TIA1: variants seen among roughly 807,000 people sequenced by gnomAD.
TIA1 encodes cytotoxic granule associated RNA binding protein TIA1.
In TIA1, 23 loss-of-function variants were observed where a neutral mutation model predicts 65.9. The ratio of observed to expected loss-of-function variants is 0.35; its 90% CI spans 0.25 to 0.49. TIA1 has a LOEUF of 0.49. Ranked by LOEUF, TIA1 falls within the 20% of genes least tolerant of loss-of-function variation. TIA1 has a pLI of 0.98. For missense variants in TIA1, 371 were observed against 477.9 expected (o/e 0.78, Z 2.09); for synonymous variants, 147 against 149.4 (o/e 0.98, Z 0.12).
chr2:70,230,523 G>A (rs987513880), intron 3 of TIA1, among the ~76,000 whole-genome samples: 6 of 151,768 alleles, frequency 4.0e-5, no homozygotes, highest in East Asian at 1.9e-4. Context: ...GTGGTGGTGC[G>A]TTCCTGTAAT....
chr2:70,227,602 C>A (rs1684360874), intron 6 of TIA1, 133 bp downstream of exon 6: 1 of 540,332 alleles, frequency 1.9e-6, no homozygotes. Flanking sequence ...CTTGAATGAT[C>A]TCTAAACAAT....
intron 1 of TIA1, among the ~76,000 whole-genome samples, chr2:70,245,841 T>C (rs1694044033): frequency 6.6e-6 from 1 of 151,902 alleles, no homozygotes; most frequent in African/African-American, 2.4e-5. Flanking sequence ...GGTATGTGGG[T>C]GATAAAAATT....
chr2:70,243,496 C>A (rs1048520305), intron 1 of TIA1, among the ~76,000 whole-genome samples: 3 of 152,020 alleles, frequency 2.0e-5, no homozygotes, highest in African/African-American at 7.3e-5. Context: ...ACATCAGCAT[C>A]CTAACCTTAT....
At chr2:70,215,318 A>G in intron 11 of TIA1, 53 bp downstream of exon 11, 1 of 1,607,306 alleles carries the variant, frequency 6.2e-7, no homozygotes, top group Non-Finnish European at 8.5e-7. Context: ...TCTTCACCTT[A>G]AAATAACATT....
chr2:70,216,125 G>T, intron 10 of TIA1, 83 bp downstream of exon 10: 1 of 1,174,564 alleles, frequency 8.5e-7, no homozygotes, highest in Non-Finnish European at 1.2e-6. Flanking sequence ...TATTTTGGAG[G>T]AAAAAGTTTT....
At position 70,209,686 on chromosome 2, in the gene TIA1, C is replaced by T. The variant is rs1059408; in HGVS notation, c.*3033G>A. The T allele has an allele frequency of 0.083, 33,243 of 398,196 alleles. 1,570 individuals are homozygous for T. The highest frequency in any genetic ancestry group is 0.18 in the East Asian group (4,909 of 27,984). 24.7% of individuals were successfully genotyped at this position (398,196 alleles called of 1,614,324 possible). Reference sequence around the variant, plus strand: ...TATCCCTGCTCATGCTTAAGATTGACGATTTCGTGAAATAAAGAACATTAT... The same window carrying T: ...TATCCCTGCTCATGCTTAAGATTGATGATTTCGTGAAATAAAGAACATTAT... On this transcript the variant is annotated 3_prime_UTR_variant, in exon 13 of 13. Coordinates refer to ENST00000433529, the MANE Select transcript of TIA1 (RefSeq NM_022173.4).
chr2:70,224,397 A>C (rs745945675), intron 7 of TIA1, 157 bp downstream of exon 7: 1 of 1,045,320 alleles, frequency 9.6e-7, no homozygotes, highest in Non-Finnish European at 1.4e-6. Context: ...GGTGCCAATA[A>C]ATGTTAAACA....
chr2:70,224,988 C>T, intron 6 of TIA1: 1 of 1,010,418 alleles, frequency 9.9e-7, no homozygotes, highest in Non-Finnish European at 1.2e-6. Flanking sequence ...TTTAACCATG[C>T]AATTTATAAC....
intron 6 of TIA1, among the ~76,000 whole-genome samples, chr2:70,226,045 C>T (rs970810440): frequency 6.6e-6 from 1 of 151,988 alleles, no homozygotes; most frequent in Admixed American, 6.6e-5. Flanking sequence ...CTACTGACTG[C>T]CAAATGATTC....
At chr2:70,230,961 C>T in intron 2 of TIA1, 107 bp from the exon 3 acceptor site, 1 of 753,216 alleles carries the variant, frequency 1.3e-6, no homozygotes, top group Non-Finnish European at 2.2e-6. Flanking sequence ...TCTAAGTTAT[C>T]AGGCCATGGA....
rs531852137 is a variant in TIA1, at chr2:70,244,451, T to C, written c.26+3954A>G. On this transcript the variant is annotated intron_variant, in intron 1 of 12. Coordinates refer to ENST00000433529, the MANE Select transcript of TIA1 (RefSeq NM_022173.4). Reference sequence around the variant, plus strand: ...TATGCTCTCAATATTACTGAGTGAATGTAATGTTTCTAGCATATTCTTAAT... The same window carrying C: ...TATGCTCTCAATATTACTGAGTGAACGTAATGTTTCTAGCATATTCTTAAT... Among the ~76,000 whole-genome samples, 5 of 152,306 alleles carry C rather than the reference T, an allele frequency of 3.3e-5. No individual in the cohort carries two copies. In the South Asian group the frequency reaches 1.0e-3, roughly 32 times the overall value.
At chr2:70,248,340 A>T in intron 1 of TIA1, 65 bp downstream of exon 1, 1 of 1,562,208 alleles carries the variant, frequency 6.4e-7, no homozygotes, top group South Asian at 1.1e-5. Context: ...GGAGCGGCGC[A>T]GGGCCGAGGC....
At chr2:70,246,102 G>A (rs1694185216) in intron 1 of TIA1, among the ~76,000 whole-genome samples, 2 of 151,898 alleles carry the variant, frequency 1.3e-5, no homozygotes, top group Non-Finnish European at 2.9e-5. Context: ...TTTTGTATTT[G>A]TAGTAGAGAC....
intron 7 of TIA1, among the ~76,000 whole-genome samples, chr2:70,217,891 T>C (rs546361203): frequency 6.6e-6 from 1 of 152,296 alleles, no homozygotes; most frequent in Admixed American, 6.5e-5. Flanking sequence ...GTAGATATCA[T>C]AAAGTTCATG....
In TIA1 at chr2:70,210,745, ATATTT is replaced by A. The variant is rs1395755770; in HGVS notation, c.*1969_*1973del. 10 of 152,302 alleles carry A rather than the reference ATATTT, an allele frequency of 6.6e-5. No individual in the cohort carries two copies. The highest frequency in any genetic ancestry group is 2.2e-4 in the African/African-American group (9 of 41,562). 9.4% of individuals were successfully genotyped at this position (152,302 alleles called of 1,614,324 possible). On this transcript the variant is annotated 3_prime_UTR_variant, in exon 13 of 13. Coordinates refer to ENST00000433529, the MANE Select transcript of TIA1 (RefSeq NM_022173.4). ...GAAGAAATCTAAAAATAGCTTCCTG[ATATTT>A]TATTTTAAAATATTTCATTTAAGCT...
intron 8 of TIA1, 122 bp from the exon 9 acceptor site, chr2:70,216,621 C>T (rs1196568390): frequency 2.3e-6 from 3 of 1,286,888 alleles, no homozygotes; most frequent in African/African-American, 3.0e-5. Flanking sequence ...TTATATTACA[C>T]ATATTATACT....
chr2:70,215,196 C>T (rs1430448008), intron 11 of TIA1, 175 bp downstream of exon 11: 5 of 726,798 alleles, frequency 6.9e-6, no homozygotes, highest in East Asian at 5.7e-5. Context: ...TCACATTCAT[C>T]ATGTCACCAC....
rs951056088 is a variant in TIA1 at position 70,212,630 on chromosome 2, G to C, written c.*89C>G. Reference sequence around the variant, plus strand: ...ATACATTGTATCTGACATTTGCACTGACTGATTTGATAAATCTTTAAGTAA... The same window carrying C: ...ATACATTGTATCTGACATTTGCACTCACTGATTTGATAAATCTTTAAGTAA... On this transcript the variant is annotated 3_prime_UTR_variant, in exon 13 of 13. Transcript: ENST00000433529. 10 of 788,870 alleles carry C rather than the reference G, an allele frequency of 1.3e-5. No individual in the cohort carries two copies. The highest frequency in any genetic ancestry group is 2.0e-5 in the Non-Finnish European group (9 of 439,734). The allele number at this position is 788,870 out of a possible 1,614,324, so 48.9% of individuals were successfully genotyped here. A position where few individuals can be genotyped will look rare whatever the true frequency, so the allele number is the denominator to read the frequency against.
At chr2:70,238,525 T>C (rs969694834) in intron 1 of TIA1, among the ~76,000 whole-genome samples, 1 of 152,012 alleles carries the variant, frequency 6.6e-6, no homozygotes, top group African/African-American at 2.4e-5. Context: ...TTTCCCTTAT[T>C]TGTTCAATTT....
Sources: allele counts gnomAD v4.1 joint callset (sites outside exome capture counted in the v4.1 genomes callset), GRCh38; gene constraint gnomAD v4.1.1; transcripts MANE v1.5; gene names NCBI Gene and HGNC (gene_info 2026-07-23, HGNC 2026-07-21).